The following LOC128462377 variants were observed in gnomAD, a reference collection of about 807,000 sequenced individuals.
At chr16:89,381,286 T>A in the LOC128462377 span, among the ~76,000 whole-genome samples, 5 of 135,472 alleles carry the variant, frequency 3.7e-5, no homozygotes, top group Non-Finnish European at 7.6e-5. Context: ...GAGGCGACAA[T>A]GCGCCACTGC....
chr16:89,385,829 C>T, the LOC128462377 span, among the ~76,000 whole-genome samples: 16 of 152,218 alleles, frequency 1.1e-4, no homozygotes, highest in Non-Finnish European at 2.1e-4. Flanking sequence ...AGCCAGAGGC[C>T]GGGGATTAGG....
chr16:89,331,849 A>C, the LOC128462377 span, among the ~76,000 whole-genome samples: 1 of 152,118 alleles, frequency 6.6e-6, no homozygotes, highest in African/African-American at 2.4e-5. Context: ...TTTTCGGCGG[A>C]TGCAATGGTG....
chr16:89,322,873 C>A, the LOC128462377 span, among the ~76,000 whole-genome samples: 1 of 152,268 alleles, frequency 6.6e-6, no homozygotes, highest in East Asian at 1.9e-4. Context: ...TTGTTTGAGA[C>A]AGCTGTGTTG....
chr16:89,372,693 G>A, the LOC128462377 span, among the ~76,000 whole-genome samples: 5 of 152,090 alleles, frequency 3.3e-5, no homozygotes, highest in Admixed American at 2.0e-4. Flanking sequence ...GGATCAACCC[G>A]AGCTGGTCAA....
chr16:89,339,767 T>G, the LOC128462377 span: 2 of 152,214 alleles, frequency 1.3e-5, no homozygotes, highest in African/African-American at 4.8e-5. Context: ...ACAAATTACA[T>G]AATGGTTGAA....
chr16:89,341,220 T>A, the LOC128462377 span, among the ~76,000 whole-genome samples: 1 of 152,234 alleles, frequency 6.6e-6, no homozygotes, highest in African/African-American at 2.4e-5. Flanking sequence ...AGACTGGACT[T>A]CTGCTGCCAT....
At chr16:89,387,301 C>T in the LOC128462377 span, among the ~76,000 whole-genome samples, 2 of 151,802 alleles carry the variant, frequency 1.3e-5, no homozygotes, top group South Asian at 2.1e-4. Flanking sequence ...AAGGAAGGGG[C>T]TGCGTCTGTG....
chr16:89,351,483 T>C, the LOC128462377 span, among the ~76,000 whole-genome samples: 84 of 152,286 alleles, frequency 5.5e-4, no homozygotes, highest in African/African-American at 2.0e-3. Context: ...TGATTCTCAT[T>C]TCATAAATAT....
the LOC128462377 span, among the ~76,000 whole-genome samples, chr16:89,374,343 A>T: frequency 7.3e-5 from 11 of 151,208 alleles, no homozygotes; most frequent in East Asian, 1.9e-4. Flanking sequence ...TTTGTAAAAA[A>T]AATAATAATA....
At chr16:89,348,171 G>A in the LOC128462377 span, among the ~76,000 whole-genome samples, 413 of 152,110 alleles carry the variant, frequency 2.7e-3, 3 homozygotes, top group Non-Finnish European at 3.1e-3. Flanking sequence ...GACTCAAACA[G>A]TCCTCCCATC....
chr16:89,391,453 G>A, the LOC128462377 span, among the ~76,000 whole-genome samples: 5 of 152,250 alleles, frequency 3.3e-5, no homozygotes, highest in South Asian at 6.2e-4. Flanking sequence ...GCTGGTGTCC[G>A]CCACAGAACT....
At chr16:89,395,441 G>C in the LOC128462377 span, among the ~76,000 whole-genome samples, 1 of 152,236 alleles carries the variant, frequency 6.6e-6, no homozygotes, top group Non-Finnish European at 1.5e-5. Context: ...ACAGCGCTGG[G>C]ATGCCAGCCC....
the LOC128462377 span, among the ~76,000 whole-genome samples, chr16:89,373,706 C>T: frequency 1.3e-5 from 2 of 152,208 alleles, no homozygotes; most frequent in Admixed American, 6.5e-5. Context: ...TGCAGAAACG[C>T]TGCAGACACA....
the LOC128462377 span, among the ~76,000 whole-genome samples, chr16:89,348,596 G>A: frequency 6.6e-6 from 1 of 152,048 alleles, no homozygotes; most frequent in African/African-American, 2.4e-5. Flanking sequence ...TTGTGGGAAG[G>A]GTGTTAACTA....
At chr16:89,405,882 G>A in the LOC128462377 span, among the ~76,000 whole-genome samples, 1 of 151,962 alleles carries the variant, frequency 6.6e-6, no homozygotes, top group Admixed American at 6.6e-5. Flanking sequence ...AGCCAACGCC[G>A]GCAGATCACC....
chr16:89,334,859 A>G, the LOC128462377 span, among the ~76,000 whole-genome samples: 1 of 152,190 alleles, frequency 6.6e-6, no homozygotes, highest in Non-Finnish European at 1.5e-5. Flanking sequence ...TAGACAGCAC[A>G]CTGGATTCGA....
the LOC128462377 span, among the ~76,000 whole-genome samples, chr16:89,415,648 T>C: frequency 1.3e-5 from 2 of 150,462 alleles, no homozygotes; most frequent in African/African-American, 2.4e-5. Flanking sequence ...GCCAACACAG[T>C]GAAACCCTAT....
chr16:89,367,114 T>C, the LOC128462377 span, among the ~76,000 whole-genome samples: 2 of 152,072 alleles, frequency 1.3e-5, no homozygotes, highest in Non-Finnish European at 2.9e-5. Context: ...CACCGGATAC[T>C]CACTACCTCA....
At chr16:89,402,294 T>A in the LOC128462377 span, among the ~76,000 whole-genome samples, 1 of 152,178 alleles carries the variant, frequency 6.6e-6, no homozygotes, top group Non-Finnish European at 1.5e-5. Flanking sequence ...GAACGAGGCT[T>A]GTCTCAGCGA....
Sources: allele counts gnomAD v4.1 joint callset (sites outside exome capture counted in the v4.1 genomes callset), GRCh38; gene constraint gnomAD v4.1.1; transcripts MANE v1.5.